Variants in NFASC observed in about 807,000 individuals in gnomAD.
NFASC encodes the protein neurofascin, also known as neurofascin homolog.
A neutral mutation model predicts 147.5 loss-of-function variants in NFASC; 43 were observed. The ratio of observed to expected loss-of-function variants is 0.29; its 90% confidence interval spans 0.23 to 0.38. The LOEUF is 0.38. NFASC is among the 10% of genes least tolerant of loss of function. NFASC has a pLI of 1.00. For missense variants in NFASC, 1,320 were observed against 1,689.0 expected (o/e 0.78, Z 3.83); for synonymous variants, 622 against 665.5 (o/e 0.93, Z 1.01).
chr1:204,987,629 C>A lies in NFASC; in HGVS notation c.2593+89C>A, dbSNP rs921794670. Reference sequence around the variant, plus strand: ...TTTCCTAAGGACTCAAGGTAGAAAGCCTGTGGGTGCAGATGGCATTGTGGA... The same window carrying A: ...TTTCCTAAGGACTCAAGGTAGAAAGACTGTGGGTGCAGATGGCATTGTGGA... On this transcript the variant is annotated intron_variant, in intron 22 of 29. Transcript: ENST00000339876. This position sits in a 1 kb window ranked among gnomAD's most constrained non-coding sequence, Gnocchi z 4.4. The A allele has an allele frequency of 6.7e-7, 1 of 1,492,046 alleles. No homozygotes were observed. The highest frequency in any genetic ancestry group is 9.3e-7 in the Non-Finnish European group (1 of 1,080,876). The allele number at this position is 1,492,046 out of a possible 1,614,324, so 92.4% of individuals were successfully genotyped here. A position where few individuals can be genotyped will look rare whatever the true frequency, so the allele number is the denominator to read the frequency against.
chr1:205,001,743 C>T (rs1307315287), intron 26 of NFASC, among the ~76,000 whole-genome samples: 2 of 152,184 alleles, frequency 1.3e-5, no homozygotes, highest in Non-Finnish European at 2.9e-5. Context: ...AGACCAGAGC[C>T]ATTTGTCCCA....
At position 205,022,488 on chromosome 1, in the gene NFASC, A is replaced by C. The variant is rs889588861; in HGVS notation, c.*5949A>C. 2 of 152,160 alleles carry C rather than the reference A, an allele frequency of 1.3e-5. No homozygotes were observed. The highest frequency in any genetic ancestry group is 1.3e-4 in the Admixed American group (2 of 15,222). 9.4% of individuals were successfully genotyped at this position (152,160 alleles called of 1,614,324 possible). ...CCTTCCTACATATCCACACACACAC[A>C]AATTGGTCTGATCTTTTTTCCATTG... On this transcript the variant is annotated 3_prime_UTR_variant, in exon 30 of 30. Coordinates refer to ENST00000339876, the MANE Select transcript of NFASC (RefSeq NM_001005388.3).
At chr1:204,864,500 C>T (rs1011128915) in intron 1 of NFASC, among the ~76,000 whole-genome samples, 2 of 152,180 alleles carry the variant, frequency 1.3e-5, no homozygotes, top group Non-Finnish European at 2.9e-5. Context: ...ACAAGTGTTC[C>T]AATTTCTCCA....
intron 1 of NFASC, among the ~76,000 whole-genome samples, chr1:204,859,696 A>G (rs1249539714): frequency 2.0e-5 from 3 of 152,238 alleles, no homozygotes. Context: ...TTTTATGCAC[A>G]TTAAAATTCA....
At chr1:204,904,302 T>C (rs2085305705) in intron 1 of NFASC, among the ~76,000 whole-genome samples, 1 of 152,176 alleles carries the variant, frequency 6.6e-6, no homozygotes, top group Admixed American at 6.5e-5. Flanking sequence ...TTTGCCGTGT[T>C]GCCCAGGCTG....
chr1:205,009,740 C>T (rs749580683), intron 28 of NFASC, 52 bp downstream of exon 28: 18 of 1,580,656 alleles, frequency 1.1e-5, no homozygotes, highest in East Asian at 6.9e-5. Context: ...TCCACTTTCC[C>T]GTGAGTCTCC....
In NFASC at chr1:204,954,381, T is replaced by G. The variant is rs1273949088; in HGVS notation, c.409T>G (p.Ser137Ala). The G allele has an allele frequency of 6.2e-7, 1 of 1,613,832 alleles. No homozygotes were observed. Among genetic ancestry groups the G allele is most frequent in the Non-Finnish European group, 8.5e-7 (1 of 1,179,876 alleles). Residue 137 changes from serine (S) to alanine (A), a missense_variant, in exon 6 of 30, where the codon TCT becomes GCT. Around this residue, in one of 3 missense-constraint regions of NFASC, gnomAD observed 981 missense variants for 1,289.5 expected, o/e 0.76. Transcript: ENST00000339876. The surrounding 1 kb of genome is among the most constrained non-coding windows in gnomAD (Gnocchi z 5.7). Reference sequence around the variant, plus strand: ...GTCCAATAGGATCCGCCTGCAGGTGTCTAGTGAGTAGCGTGGGGCAGGGCT... The same window carrying G: ...GTCCAATAGGATCCGCCTGCAGGTGGCTAGTGAGTAGCGTGGGGCAGGGCT... ...ALSNRIRLQVSKSPLWPKENL... is the reference protein window; with the variant it reads ...ALSNRIRLQVAKSPLWPKENL...
At chr1:204,977,569 C>G in intron 16 of NFASC, 112 bp from the exon 17 acceptor site, 1 of 900,912 alleles carries the variant, frequency 1.1e-6, no homozygotes, top group Non-Finnish European at 1.7e-6. Flanking sequence ...CTGCCTAGAA[C>G]ACCTCAGCCC....
At chr1:204,940,580 G>A (rs1905255) in intron 2 of NFASC, among the ~76,000 whole-genome samples, 21,609 of 152,200 alleles carry the variant, frequency 0.14, 1,893 homozygotes, top group African/African-American at 0.25. Context: ...CCATTAACCA[G>A]TTTCCCTCCT....
intron 2 of NFASC, among the ~76,000 whole-genome samples, chr1:204,931,565 G>T (rs191985238): frequency 6.6e-6 from 1 of 152,188 alleles, no homozygotes; most frequent in African/African-American, 2.4e-5. Context: ...TTTATTCTAA[G>T]AACTAATTGC....
At chr1:204,992,887 C>A (rs924835116) in intron 24 of NFASC, among the ~76,000 whole-genome samples, 3 of 128,746 alleles carry the variant, frequency 2.3e-5, no homozygotes, top group African/African-American at 8.8e-5. Context: ...CACCCCACTT[C>A]CTACTTCCCA....
chr1:205,018,897 A>T lies in NFASC; in HGVS notation c.*2358A>T, dbSNP rs1238079083. 6.6e-6 allele frequency: 1 copy of T among 152,242 alleles called. No individual in the cohort carries two copies. Among genetic ancestry groups the T allele is most frequent in the African/African-American group, 2.4e-5 (1 of 41,426 alleles). The allele number at this position is 152,242 out of a possible 1,614,324, so 9.4% of individuals were successfully genotyped here. A position where few individuals can be genotyped will look rare whatever the true frequency, so the allele number is the denominator to read the frequency against. ...GACTGGGAAGGGCTGCTTCTCTCGT[A>T]AGGGTCTTGGGGAGAAGTAAGCCCG... On this transcript the variant is annotated 3_prime_UTR_variant, in exon 30 of 30. Transcript: ENST00000339876.
intron 19 of NFASC, among the ~76,000 whole-genome samples, chr1:204,980,001 A>C (rs1374893403): frequency 6.6e-6 from 1 of 152,226 alleles, no homozygotes; most frequent in Admixed American, 6.5e-5. Context: ...GCTGCCCAAA[A>C]AAAATGTTAA....
At chr1:204,828,812 G>T in intron 1 of NFASC, 30 bp downstream of exon 1, 1 of 985,346 alleles carries the variant, frequency 1.0e-6, no homozygotes, top group Non-Finnish European at 1.2e-6. Context: ...GGAGAGATGG[G>T]GGTAGAGAGT....
Position 204,832,346 on chromosome 1 carries a change from G to T in NFASC, c.-200+3564G>T, listed in dbSNP as rs58900546. 9.9e-3 allele frequency among the ~76,000 whole-genome samples: 1,513 copies of T among 152,272 alleles called. 29 individuals carry two copies. The highest frequency in any genetic ancestry group is 0.034 in the African/African-American group (1,408 of 41,556). ...AGGAAAGAGGCTCTGGGAGCTACTC[G>T]TGTGTAGGCAAGATGCACAGGGATG... On this transcript the variant is annotated intron_variant, in intron 1 of 29. Transcript: ENST00000339876.
intron 1 of NFASC, among the ~76,000 whole-genome samples, chr1:204,848,900 C>T (rs537756227): frequency 5.3e-5 from 8 of 152,300 alleles, no homozygotes; most frequent in Admixed American, 1.3e-4. Context: ...AAATAATCTG[C>T]GATAATACCA....
At chr1:204,855,950 A>G (rs1003456350) in intron 1 of NFASC, among the ~76,000 whole-genome samples, 3 of 152,200 alleles carry the variant, frequency 2.0e-5, no homozygotes, top group Non-Finnish European at 4.4e-5. Context: ...CCTTTTATAT[A>G]TGTTTCATTA....
intron 8 of NFASC, among the ~76,000 whole-genome samples, chr1:204,959,349 G>A (rs187988839): frequency 3.4e-4 from 52 of 152,306 alleles, no homozygotes; most frequent in African/African-American, 6.7e-4. Context: ...TTGCTCCCCC[G>A]TCCCTGACTT....
At chr1:204,985,884 C>G in intron 21 of NFASC, 3 of 1,565,820 alleles carry the variant, frequency 1.9e-6, no homozygotes, top group Non-Finnish European at 1.8e-6. Flanking sequence ...TGCCTGACCC[C>G]TCACCAGCCT....
Sources: gnomAD v4.1 joint callset for allele counts (sites outside exome capture counted in the v4.1 genomes callset) on GRCh38, gnomAD v4.1.1 for gene constraint, gnomAD v4.1.1 regional missense constraint, Gnocchi (gnomAD v3.1) non-coding constraint, MANE v1.5 for transcripts, NCBI Gene and HGNC (gene_info 2026-07-23, HGNC 2026-07-21) for gene names.